FSIP1: variants seen among roughly 807,000 people sequenced by gnomAD.
The protein encoded by FSIP1 is fibrous sheath interacting protein 1, also known as fibrous sheath-interacting protein 1.
FSIP1 carries 65 observed loss-of-function variants against 60.9 expected under a neutral mutation model. That is an observed-to-expected ratio of 1.07 (90% CI 0.87 to 1.31). The LOEUF (loss-of-function observed/expected upper bound fraction) is 1.31. Among genes scored for constraint, FSIP1 ranks in the 40% most tolerant of loss-of-function variants. The probability of loss-of-function intolerance (pLI) is 0.00; values close to 1 mark genes in which losing one functional copy is unlikely to be tolerated. For missense variants in FSIP1, 675 were observed against 665.5 expected (o/e 1.01, Z -0.16); for synonymous variants, 209 against 221.2 (o/e 0.94, Z 0.49).
intron 10 of FSIP1, among the ~76,000 whole-genome samples, chr15:39,636,008 C>T (rs372955900): frequency 1.1e-4 from 17 of 151,994 alleles, no homozygotes; most frequent in African/African-American, 3.9e-4. Context: ...TCATCAGGAC[C>T]CTCTCAAGGA....
rs1431749837 is a variant in FSIP1, at chr15:39,739,658, T to C, written c.780+7A>G. ...AAATTCTGGCTTCTGAATTTCTAAG[T>C]ACATACCTCAATGTTTCTCTTAATA... is the stretch of plus-strand genomic sequence containing the variant. On this transcript the variant is annotated splice_region_variant and intron_variant, in intron 7 of 11. Transcript: ENST00000350221. 6.3e-7 allele frequency: 1 copy of C among 1,591,298 alleles called. No individual in the cohort carries two copies. The highest frequency in any genetic ancestry group is 8.5e-7 in the Non-Finnish European group (1 of 1,174,952).
chr15:39,726,004 C>T (rs1215472502), intron 9 of FSIP1, among the ~76,000 whole-genome samples: 9 of 152,128 alleles, frequency 5.9e-5, no homozygotes, highest in African/African-American at 2.2e-4. Context: ...GTTGGCCAGG[C>T]TGGTCTTGAA....
In FSIP1 at chr15:39,621,464, CT is replaced by C. The variant is rs1005357377; in HGVS notation, c.1189-3220del. Among the ~76,000 whole-genome samples, 820 of 152,346 alleles carry C rather than the reference CT, an allele frequency of 5.4e-3. 9 individuals carry two copies. The highest frequency in any genetic ancestry group is 0.019 in the African/African-American group (790 of 41,576). ...ACACAGAAGACTAGAACCTGGGCTT[CT>C]ATCCAAGCTTTGCTGCCTTGAGCAT... On this transcript the variant is annotated intron_variant, in intron 10 of 11. Coordinates refer to ENST00000350221, the MANE Select transcript of FSIP1 (RefSeq NM_152597.5).
At chr15:39,761,953 A>G (rs571574545) in intron 5 of FSIP1, among the ~76,000 whole-genome samples, 5 of 152,230 alleles carry the variant, frequency 3.3e-5, no homozygotes, top group South Asian at 2.1e-4. Context: ...GGAACAATTT[A>G]TCTCTGCTCC....
At chr15:39,663,050 G>A (rs936058052) in intron 10 of FSIP1, among the ~76,000 whole-genome samples, 2 of 152,046 alleles carry the variant, frequency 1.3e-5, no homozygotes, top group Non-Finnish European at 2.9e-5. Flanking sequence ...ATTTTCTTCT[G>A]AAAAAATTAA....
At chr15:39,630,573 G>T (rs959214992) in intron 10 of FSIP1, among the ~76,000 whole-genome samples, 1 of 152,176 alleles carries the variant, frequency 6.6e-6, no homozygotes, top group South Asian at 2.1e-4. Context: ...CATCTACTAT[G>T]CACCACATAC....
chr15:39,729,911 A>G (rs1249974369), intron 8 of FSIP1, among the ~76,000 whole-genome samples: 1 of 152,166 alleles, frequency 6.6e-6, no homozygotes, highest in Non-Finnish European at 1.5e-5. Flanking sequence ...TAGGAGGGAG[A>G]GGATGGAAAA....
intron 8 of FSIP1, among the ~76,000 whole-genome samples, chr15:39,735,481 G>A (rs907352945): frequency 4.6e-5 from 7 of 152,208 alleles, no homozygotes; most frequent in African/African-American, 1.7e-4. Flanking sequence ...CCTGTAAAGG[G>A]CACTTAACCA....
At chr15:39,632,628 A>G (rs909473984) in intron 10 of FSIP1, among the ~76,000 whole-genome samples, 2 of 152,114 alleles carry the variant, frequency 1.3e-5, no homozygotes, top group Non-Finnish European at 2.9e-5. Flanking sequence ...CTCTGTGTCT[A>G]CTAAAAATAC....
intron 10 of FSIP1, among the ~76,000 whole-genome samples, chr15:39,635,277 G>C (rs919574682): frequency 1.3e-5 from 2 of 151,926 alleles, no homozygotes; most frequent in African/African-American, 4.8e-5. Flanking sequence ...GGAGGTTGCA[G>C]TGAGCTGAGA....
intron 5 of FSIP1, among the ~76,000 whole-genome samples, chr15:39,760,832 T>C (rs1458704966): frequency 6.6e-6 from 1 of 152,180 alleles, no homozygotes; most frequent in East Asian, 1.9e-4. Context: ...TTGATCACTA[T>C]GGTTATGTAA....
At chr15:39,629,601 T>C (rs984248361) in intron 10 of FSIP1, among the ~76,000 whole-genome samples, 7 of 152,210 alleles carry the variant, frequency 4.6e-5, no homozygotes, top group African/African-American at 1.7e-4. Flanking sequence ...AAACTCTATT[T>C]CAAATGTTTA....
chr15:39,690,881 G>A (rs1193507261), intron 10 of FSIP1, among the ~76,000 whole-genome samples: 1 of 152,202 alleles, frequency 6.6e-6, no homozygotes, highest in Non-Finnish European at 1.5e-5. Context: ...CCTAATGCTA[G>A]CCAGTTCAAC....
intron 11 of FSIP1, among the ~76,000 whole-genome samples, chr15:39,609,350 G>A (rs1890941291): frequency 6.6e-6 from 1 of 152,170 alleles, no homozygotes; most frequent in Non-Finnish European, 1.5e-5. Flanking sequence ...CCCCAGGCCA[G>A]GCAGCAAGGG....
intron 10 of FSIP1, among the ~76,000 whole-genome samples, chr15:39,689,206 T>C (rs1393874856): frequency 6.6e-6 from 1 of 152,168 alleles, no homozygotes; most frequent in Non-Finnish European, 1.5e-5. Flanking sequence ...GAGATGTACG[T>C]GGAAGGAGCA....
chr15:39,756,137 A>C (rs1406384772), intron 5 of FSIP1, among the ~76,000 whole-genome samples: 1 of 152,202 alleles, frequency 6.6e-6, no homozygotes, highest in Non-Finnish European at 1.5e-5. Flanking sequence ...CAAATGTGAT[A>C]TAAATCAATT....
chr15:39,694,950 CTCTT>C (rs1351186413), intron 10 of FSIP1, among the ~76,000 whole-genome samples: 3 of 152,042 alleles, frequency 2.0e-5, no homozygotes, highest in Non-Finnish European at 4.4e-5. Context: ...ATCACATAAT[CTCTT>C]TCTTAGCCCA....
intron 7 of FSIP1, among the ~76,000 whole-genome samples, chr15:39,738,749 C>T (rs1412381873): frequency 1.3e-5 from 2 of 152,136 alleles, no homozygotes; most frequent in African/African-American, 4.8e-5. Context: ...ATACAACAGG[C>T]CACTGCAAAG....
intron 10 of FSIP1, among the ~76,000 whole-genome samples, chr15:39,622,652 C>T (rs914838966): frequency 6.6e-6 from 1 of 152,202 alleles, no homozygotes; most frequent in East Asian, 1.9e-4. Context: ...GTTATTTCCA[C>T]TTTGCAGATG....
Sources: gnomAD v4.1 joint callset for allele counts (sites outside exome capture counted in the v4.1 genomes callset) on GRCh38, gnomAD v4.1.1 for gene constraint, MANE v1.5 for transcripts, NCBI Gene and HGNC (gene_info 2026-07-23, HGNC 2026-07-21) for gene names.